Variants in TNRC18 observed in about 807,000 individuals in gnomAD.
TNRC18 encodes the protein trinucleotide repeat containing 18.
Under a neutral mutation model 226.7 loss-of-function variants are expected in TNRC18, and 69 were observed. The observed-to-expected ratio is 0.30, with a 90% CI of 0.25 to 0.37. TNRC18 has a LOEUF of 0.37. Ranked by LOEUF, TNRC18 falls within the 10% of genes least tolerant of loss-of-function variation. TNRC18 has a pLI of 1.00. For missense variants in TNRC18, 4,754 were observed against 4,256.6 expected, an observed-to-expected ratio of 1.12 and a Z score of -3.25; for synonymous variants, 2,449 against 1,927.6, an observed-to-expected ratio of 1.27 and a Z score of -7.09.
intron 2 of TNRC18, among the ~76,000 whole-genome samples, chr7:5,403,538 A>G (rs890268362): frequency 6.6e-6 from 1 of 152,034 alleles, no homozygotes; most frequent in East Asian, 1.9e-4. Flanking sequence ...ACACCTGTCA[A>G]TCCTAGGACT....
In TNRC18 at chr7:5,389,461, G is replaced by GTTTTTTTGTTTTTGTTTTTTTTTT. The variant is rs1554297477; in HGVS notation, c.488-126_488-125insAAAAAAAAAACAAAAACAAAAAAA. On this transcript the variant is annotated intron_variant, in intron 4 of 29. Coordinates refer to ENST00000430969, the MANE Select transcript of TNRC18 (RefSeq NM_001080495.3). Reference sequence around the variant, plus strand: ...TGCCTCCCCCAGTGTTTTGGTTTTGGTTTTTTTTTTCAGAAAGAGTCTCGC... The same window carrying GTTTTTTTGTTTTTGTTTTTTTTTT: ...TGCCTCCCCCAGTGTTTTGGTTTTGGTTTTTTTGTTTTTGTTTTTTTTTTTTTTTTTTTTCAGAAAGAGTCTCGC... The GTTTTTTTGTTTTTGTTTTTTTTTT allele has an allele frequency of 2.7e-5, 15 of 565,558 alleles. 1 individual carries two copies. In the African/African-American group the frequency reaches 4.1e-4, roughly 15 times the overall value. 35.0% of individuals were successfully genotyped at this position (565,558 alleles called of 1,614,324 possible).
intron 2 of TNRC18, among the ~76,000 whole-genome samples, chr7:5,415,777 G>T (rs1381708475): frequency 6.6e-6 from 1 of 151,902 alleles, no homozygotes; most frequent in African/African-American, 2.4e-5. Context: ...GGGAAAGTTG[G>T]CAACTTTCAC....
At chr7:5,396,470 CTG>C (rs1297208691) in intron 2 of TNRC18, among the ~76,000 whole-genome samples, 3 of 152,110 alleles carry the variant, frequency 2.0e-5, no homozygotes, top group African/African-American at 7.2e-5. Flanking sequence ...CTGCAGTGAG[CTG>C]TGACTGCAAT....
intron 25 of TNRC18, 74 bp downstream of exon 25, chr7:5,315,882 G>A (rs1011224083): frequency 1.0e-5 from 12 of 1,150,436 alleles, no homozygotes; most frequent in African/African-American, 1.6e-5. Flanking sequence ...AGAGCTCAGA[G>A]CCGGGCTTGG....
intron 2 of TNRC18, among the ~76,000 whole-genome samples, chr7:5,402,624 C>T (rs1021229841): frequency 1.3e-5 from 2 of 152,278 alleles, no homozygotes; most frequent in African/African-American, 4.8e-5. Flanking sequence ...GAGGCCGAGG[C>T]AGGCAGATCA....
At chr7:5,380,123 A>G (rs1036939592) in intron 5 of TNRC18, among the ~76,000 whole-genome samples, 2 of 152,020 alleles carry the variant, frequency 1.3e-5, no homozygotes, top group Non-Finnish European at 2.9e-5. Context: ...CTCCCTTCCC[A>G]CACCCCCAAA....
At position 5,361,490 on chromosome 7, in the gene TNRC18, G is replaced by A. The variant is rs1259082840; in HGVS notation, c.4661+104C>T. The A allele has an allele frequency of 3.7e-6, 5 of 1,347,706 alleles. No homozygotes were observed. The South Asian group carries it at 6.2e-5, about 17-fold the overall frequency. 83.5% of individuals were successfully genotyped at this position (1,347,706 alleles called of 1,614,324 possible). On this transcript the variant is annotated intron_variant, in intron 14 of 29. Transcript: ENST00000430969. ...TGCTGCGGGTAGGTCAGAGCCCGAG[G>A]GACGCGAGGTCCCCCAGCACCCCGA...
At chr7:5,320,756 C>T in intron 22 of TNRC18, 149 bp from the exon 23 acceptor site, 1 of 700,406 alleles carries the variant, frequency 1.4e-6, no homozygotes, top group Non-Finnish European at 2.4e-6. Flanking sequence ...GGAATTCTCC[C>T]CCTTTTCTGG....
chr7:5,339,977 T>TAA (rs1790529032), intron 18 of TNRC18, among the ~76,000 whole-genome samples: 1 of 152,084 alleles, frequency 6.6e-6, no homozygotes. Flanking sequence ...CCCTATTCCC[T>TAA]AAAGCACAAC....
chr7:5,325,291 A>G, intron 19 of TNRC18, 43 bp from the exon 20 acceptor site: 3 of 1,537,690 alleles, frequency 2.0e-6, no homozygotes, highest in Non-Finnish European at 2.6e-6. Context: ...AACGGCAGGG[A>G]AAGCACAGGC....
intron 14 of TNRC18, among the ~76,000 whole-genome samples, chr7:5,361,309 G>C (rs890537274): frequency 2.0e-5 from 3 of 152,220 alleles, no homozygotes; most frequent in South Asian, 4.1e-4. Flanking sequence ...GGAGGAATTA[G>C]GCCCTAGGCG....
At chr7:5,405,054 T>A (rs922559845) in intron 2 of TNRC18, among the ~76,000 whole-genome samples, 10 of 150,970 alleles carry the variant, frequency 6.6e-5, no homozygotes, top group Non-Finnish European at 1.3e-4. Context: ...GAGACAGAGG[T>A]TGCACTGAGC....
rs202053648 is a variant in TNRC18 at position 5,366,318 on chromosome 7, CTTTTTTTTTTT to C, written c.4220-3504_4220-3494del. ...AATGCTTGTTTTGCTCTTCTTATAT[CTTTTTTTTTTT>C]TTTTTTTTTTTTTTTGTGAGACAGA... On this transcript the variant is annotated intron_variant, in intron 11 of 29. Coordinates refer to ENST00000430969, the MANE Select transcript of TNRC18 (RefSeq NM_001080495.3). 2.4e-3 allele frequency among the ~76,000 whole-genome samples: 167 copies of C among 70,476 alleles called. 2 individuals are homozygous for C. The East Asian group carries it at 0.06, about 26-fold the overall frequency. 46.2% of individuals were successfully genotyped at this position (70,476 alleles called of 152,430 possible). A position where few individuals can be genotyped will look rare whatever the true frequency, so the allele number is the denominator to read the frequency against.
chr7:5,326,552 C>A (rs1198684604), intron 19 of TNRC18, among the ~76,000 whole-genome samples: 3 of 152,102 alleles, frequency 2.0e-5, no homozygotes, highest in African/African-American at 7.2e-5. Flanking sequence ...CTCAAGCAAT[C>A]CTCCTGCCTC....
intron 9 of TNRC18, among the ~76,000 whole-genome samples, chr7:5,375,761 C>T (rs1309006886): frequency 6.6e-6 from 1 of 152,172 alleles, no homozygotes; most frequent in East Asian, 1.9e-4. Context: ...CCAAGGCCAC[C>T]TCTCTGCCTT....
chr7:5,376,286 C>A, intron 8 of TNRC18, 62 bp from the exon 9 acceptor site: 2 of 1,342,134 alleles, frequency 1.5e-6, no homozygotes, highest in East Asian at 2.7e-5. Flanking sequence ...ATGCCCATTA[C>A]GAGGGGAAGC....
At chr7:5,317,095 G>A (rs1445684006) in intron 24 of TNRC18, among the ~76,000 whole-genome samples, 1 of 152,192 alleles carries the variant, frequency 6.6e-6, no homozygotes, top group Non-Finnish European at 1.5e-5. Flanking sequence ...TGTGAGTCTT[G>A]CAGAATCTGG....
chr7:5,316,274 CTTTTT>C (rs1278896095), intron 24 of TNRC18, among the ~76,000 whole-genome samples: 1 of 86,534 alleles, frequency 1.2e-5, no homozygotes, highest in Admixed American at 1.6e-4. Flanking sequence ...AGAAATGGGT[CTTTTT>C]TTTTTTTTTT....
At position 5,315,095 on chromosome 7, in the gene TNRC18, T is replaced by C; in HGVS notation, c.6916A>G (p.Lys2306Glu). The change falls in exon 26 of 30, where the codon AAG becomes GAG. Residue 2306 changes from lysine to glutamate, a missense_variant. By Grantham distance (56) the Lys-to-Glu change is moderately conservative. Transcript: ENST00000430969. ...LVPSAKRRSRKTSKDTGEGKD... is the reference protein window; with the variant it reads ...LVPSAKRRSRETSKDTGEGKD... Reference sequence around the variant, plus strand: ...CCCTCCCCAGTGTCTTTGCTGGTCTTCCGGCTGCGGCGCTTGGCACTTGGC... The same window carrying C: ...CCCTCCCCAGTGTCTTTGCTGGTCTCCCGGCTGCGGCGCTTGGCACTTGGC... 2 of 1,613,006 alleles carry C rather than the reference T, an allele frequency of 1.2e-6. No individual in the cohort carries two copies. The highest frequency in any genetic ancestry group is 8.5e-7 in the Non-Finnish European group (1 of 1,179,676).
Sources: allele counts gnomAD v4.1 joint callset (sites outside exome capture counted in the v4.1 genomes callset), GRCh38; gene constraint gnomAD v4.1.1; transcripts MANE v1.5; gene names NCBI Gene and HGNC (gene_info 2026-07-23, HGNC 2026-07-21).